CFAP20DC: variants seen among roughly 807,000 people sequenced by gnomAD.
The protein encoded by CFAP20DC is CFAP20 domain containing.
A neutral mutation model predicts 101.7 loss-of-function variants in CFAP20DC; 84 were observed. That is an observed-to-expected ratio of 0.83 (90% CI 0.69 to 0.99). CFAP20DC has a LOEUF of 0.99. Ranked by LOEUF, CFAP20DC falls within the 50% of genes least tolerant of loss-of-function variation. The pLI is 0.00. For missense variants in CFAP20DC, 1,007 were observed against 970.3 expected (o/e 1.04, Z -0.50); for synonymous variants, 359 against 351.2 (o/e 1.02, Z -0.25).
chr3:58,745,365 A>G (rs1181075482), intron 16 of CFAP20DC, among the ~76,000 whole-genome samples: 2 of 152,202 alleles, frequency 1.3e-5, no homozygotes, highest in Non-Finnish European at 2.9e-5. Context: ...ACACAAACAC[A>G]TGAAGCAAAA....
At chr3:58,749,020 T>C (rs2068389101) in intron 16 of CFAP20DC, among the ~76,000 whole-genome samples, 2 of 152,216 alleles carry the variant, frequency 1.3e-5, no homozygotes, top group African/African-American at 4.8e-5. Flanking sequence ...AATGGTGCTT[T>C]ATTAATGCTG....
rs2093433287 is a variant in CFAP20DC, at chr3:59,006,333, G to C, written c.278+33224C>G. Among the ~76,000 whole-genome samples the C allele has an allele frequency of 6.6e-6, 1 of 152,216 alleles. No individual in the cohort carries two copies. The highest frequency in any genetic ancestry group is 2.1e-4 in the South Asian group (1 of 4,832). ...AGGGCTAATGTGCACCTCTCACTTG[G>C]AGAGACTGAATAATGTGTGGAGACT... On this transcript the variant is annotated intron_variant, in intron 4 of 16. Coordinates refer to ENST00000482387, the MANE Select transcript of CFAP20DC (RefSeq NM_001394063.1). This position sits in a 1 kb window ranked among gnomAD's most constrained non-coding sequence, Gnocchi z 4.3.
At chr3:58,852,955 G>C (rs911687635) in intron 12 of CFAP20DC, among the ~76,000 whole-genome samples, 2 of 152,066 alleles carry the variant, frequency 1.3e-5, no homozygotes, top group African/African-American at 4.8e-5. Context: ...ACATACGAAA[G>C]CTAGCAGAAG....
intron 5 of CFAP20DC, among the ~76,000 whole-genome samples, chr3:58,935,865 A>G (rs1472587467): frequency 1.3e-5 from 2 of 152,192 alleles, no homozygotes; most frequent in Non-Finnish European, 2.9e-5. Context: ...AGGCATGGGC[A>G]AGGACTTCAT....
intron 4 of CFAP20DC, among the ~76,000 whole-genome samples, chr3:58,947,019 G>A (rs942235672): frequency 3.3e-5 from 5 of 152,186 alleles, no homozygotes; most frequent in African/African-American, 1.2e-4. Context: ...AGGTCTCATA[G>A]ATAGTACGTA....
chr3:58,752,323 T>C (rs542305053), intron 16 of CFAP20DC, among the ~76,000 whole-genome samples: 6 of 152,114 alleles, frequency 3.9e-5, no homozygotes, highest in Non-Finnish European at 8.8e-5. Flanking sequence ...AAATCCAGGG[T>C]GACAGGCAGA....
chr3:58,789,870 C>T (rs1289052685), intron 15 of CFAP20DC, among the ~76,000 whole-genome samples: 1 of 152,120 alleles, frequency 6.6e-6, no homozygotes, highest in Non-Finnish European at 1.5e-5. Flanking sequence ...CATAATTATT[C>T]ATGGTGTTAC....
intron 1 of CFAP20DC, among the ~76,000 whole-genome samples, chr3:59,048,973 A>G (rs1002978073): frequency 6.6e-6 from 1 of 152,190 alleles, no homozygotes; most frequent in African/African-American, 2.4e-5. Context: ...GACCCCCTGC[A>G]TAGGAATCAC....
At position 58,874,497 on chromosome 3, in the gene CFAP20DC, G is replaced by A. The variant is rs538877500; in HGVS notation, c.716-4188C>T. Among the ~76,000 whole-genome samples, 3 of 152,022 alleles carry A rather than the reference G, an allele frequency of 2.0e-5. No individual in the cohort carries two copies. The highest frequency in any genetic ancestry group is 1.9e-4 in the East Asian group (1 of 5,176). ...AAGATGAAGGCTCTTAACATTGCCC[G>A]CAAAACCCTGCATGTTCTGACATGT... On this transcript the variant is annotated intron_variant, in intron 7 of 16. Transcript: ENST00000482387. The surrounding 1 kb of genome is among the most constrained non-coding windows in gnomAD (Gnocchi z 5.1).
chr3:58,918,781 A>G (rs1031629342), intron 5 of CFAP20DC, among the ~76,000 whole-genome samples: 2 of 152,204 alleles, frequency 1.3e-5, no homozygotes, highest in Non-Finnish European at 2.9e-5. Flanking sequence ...TACTAGTTAC[A>G]TAATGTTCCC....
chr3:58,816,329 A>G (rs1229413837), intron 14 of CFAP20DC, among the ~76,000 whole-genome samples: 2 of 152,184 alleles, frequency 1.3e-5, no homozygotes, highest in Non-Finnish European at 2.9e-5. Context: ...TACAGCTCCC[A>G]GAGTGAGCGA....
At chr3:59,012,993 TA>T (rs1472782741) in intron 4 of CFAP20DC, among the ~76,000 whole-genome samples, 3 of 152,194 alleles carry the variant, frequency 2.0e-5, no homozygotes, top group Non-Finnish European at 2.9e-5. Flanking sequence ...AAAGAACGCA[TA>T]ATTTCATGAA....
At chr3:58,883,270 T>G (rs2081358648) in intron 7 of CFAP20DC, among the ~76,000 whole-genome samples, 1 of 152,202 alleles carries the variant, frequency 6.6e-6, no homozygotes, top group Non-Finnish European at 1.5e-5. Context: ...CTTTGCCATT[T>G]TAAGCCTGGA....
intron 4 of CFAP20DC, among the ~76,000 whole-genome samples, chr3:59,011,214 A>G (rs1377372710): frequency 4.6e-5 from 7 of 152,184 alleles, no homozygotes; most frequent in Admixed American, 1.3e-4. Flanking sequence ...CCTGGCCAAC[A>G]TGGTGAAACC....
intron 6 of CFAP20DC, among the ~76,000 whole-genome samples, chr3:58,903,151 T>C (rs2083293474): frequency 6.6e-6 from 1 of 152,212 alleles, no homozygotes; most frequent in Admixed American, 6.5e-5. Context: ...AAGTTTTACA[T>C]TTTGATGAAG....
chr3:58,977,677 T>G (rs1007774444), intron 4 of CFAP20DC, among the ~76,000 whole-genome samples: 1 of 151,822 alleles, frequency 6.6e-6, no homozygotes, highest in South Asian at 2.1e-4. Flanking sequence ...ACATGGCCTA[T>G]TCTCTGGTAA....
chr3:58,968,140 T>C lies in CFAP20DC; in HGVS notation c.279-30378A>G, dbSNP rs2091708198. Among the ~76,000 whole-genome samples, 3 of 152,236 alleles carry C rather than the reference T, an allele frequency of 2.0e-5. No homozygotes were observed. The South Asian group carries it at 6.2e-4, about 32-fold the overall frequency. On this transcript the variant is annotated intron_variant, in intron 4 of 16. Coordinates refer to ENST00000482387, the MANE Select transcript of CFAP20DC (RefSeq NM_001394063.1). The stretch of plus-strand genomic sequence containing the variant: ...TGGGCATTTAGGTTGATTTCATGTC[T>C]TTGCTATTGTGAATAGTGCTGCCAT...
In CFAP20DC at chr3:58,981,438, A is replaced by G. The variant is rs1357959455; in HGVS notation, c.279-43676T>C. Among the ~76,000 whole-genome samples the G allele has an allele frequency of 4.7e-3, 712 of 152,236 alleles. 3 individuals carry two copies. Among genetic ancestry groups the G allele is most frequent in the African/African-American group, 0.016 (681 of 41,550 alleles). On this transcript the variant is annotated intron_variant, in intron 4 of 16. Transcript: ENST00000482387. ...AAAAGAACAAAGCCGGAGGCATCACACTACCTGACTTCAAACTATACTACA... is the reference window on the plus strand; with the variant it reads ...AAAAGAACAAAGCCGGAGGCATCACGCTACCTGACTTCAAACTATACTACA...
At chr3:58,810,248 C>T (rs1425053190) in intron 14 of CFAP20DC, among the ~76,000 whole-genome samples, 2 of 151,408 alleles carry the variant, frequency 1.3e-5, no homozygotes, top group Non-Finnish European at 2.9e-5. Context: ...GAGACACAAC[C>T]AAAAAAGAGA....
Sources: gnomAD v4.1 joint callset for allele counts (sites outside exome capture counted in the v4.1 genomes callset) on GRCh38, gnomAD v4.1.1 for gene constraint, Gnocchi (gnomAD v3.1) non-coding constraint, MANE v1.5 for transcripts, NCBI Gene and HGNC (gene_info 2026-07-23, HGNC 2026-07-21) for gene names.